ELF4: variants seen among roughly 807,000 people sequenced by gnomAD.
ELF4 encodes ETS-related transcription factor Elf-4.
In ELF4, 10 loss-of-function variants were observed where a neutral mutation model predicts 31.7. The ratio of observed to expected loss-of-function variants is 0.32; its 90% CI spans 0.19 to 0.54. The LOEUF is 0.54. ELF4 is among the 20% of genes least tolerant of loss of function. ELF4 has a pLI of 0.95. For missense variants in ELF4, 418 were observed against 522.0 expected (o/e 0.80, Z 1.94); for synonymous variants, 208 against 226.7 (o/e 0.92, Z 0.74).
At chrX:130,078,594 C>T (rs1361622422) in intron 2 of ELF4, among the ~76,000 whole-genome samples, 1 of 110,501 alleles carries the variant, frequency 9.0e-6, no homozygotes, top group African/African-American at 3.3e-5. Context: ...CCCCTCTCTA[C>T]TAAAAATACA....
At chrX:130,091,427 C>CA (rs1603207578) in intron 1 of ELF4, among the ~76,000 whole-genome samples, 1 of 111,410 alleles carries the variant, frequency 9.0e-6, no homozygotes, top group African/African-American at 3.3e-5. Context: ...AACTCCATCT[C>CA]AAAAAAATAT....
upstream of ELF4, among the ~76,000 whole-genome samples, chrX:130,111,062 C>G (rs921004141): frequency 1.9e-5 from 2 of 104,193 alleles, no homozygotes; most frequent in Non-Finnish European, 4.0e-5. Context: ...AGCGCCCGTC[C>G]GCCCCGGCCC....
intron 1 of ELF4, among the ~76,000 whole-genome samples, chrX:130,095,359 A>C (rs1413800936): frequency 8.9e-6 from 1 of 112,705 alleles, no homozygotes; most frequent in Non-Finnish European, 1.9e-5. Context: ...AGTGAGGCTC[A>C]GAGATTAGGT....
chrX:130,083,800 A>ATGGG (rs758418260), intron 1 of ELF4, among the ~76,000 whole-genome samples: 1 of 103,265 alleles, frequency 9.7e-6, no homozygotes. Context: ...GAATGGGTGG[A>ATGGG]TGGGTGGGTG....
chrX:130,090,566 A>C (rs1233749896), intron 1 of ELF4, among the ~76,000 whole-genome samples: 1 of 110,626 alleles, frequency 9.0e-6, no homozygotes, highest in Non-Finnish European at 1.9e-5. Context: ...TCAAGATCTG[A>C]AGCAAATGTC....
chrX:130,082,256 G>A (rs1932897359), intron 1 of ELF4, among the ~76,000 whole-genome samples: 1 of 111,129 alleles, frequency 9.0e-6, no homozygotes, highest in African/African-American at 3.3e-5. Flanking sequence ...CTCTCAGATG[G>A]AGCCAAGCCT....
At position 130,065,017 on chromosome X, in the gene ELF4, A is replaced by G; in HGVS notation, c.*1704T>C. 1 of 172,739 alleles carries G rather than the reference A, an allele frequency of 5.8e-6. No individual in the cohort carries two copies. The highest frequency in any genetic ancestry group is 1.1e-5 in the Non-Finnish European group (1 of 89,584). The allele number at this position is 172,739 out of a possible 1,213,427, so 14.2% of individuals were successfully genotyped here. ...AGTAAATACATTTGCACAACCAAAC[A>G]CAGTGCCCTCCAGGGGGCAGGGAGA... On this transcript the variant is annotated 3_prime_UTR_variant, in exon 9 of 9. Transcript: ENST00000308167.
At chrX:130,092,944 A>G (rs1463114075) in intron 1 of ELF4, among the ~76,000 whole-genome samples, 1 of 110,404 alleles carries the variant, frequency 9.1e-6, no homozygotes, top group Non-Finnish European at 1.9e-5. Context: ...TGGCCTGTGG[A>G]GCCCACAAAT....
chrX:130,066,659 G>T lies in ELF4; in HGVS notation c.*62C>A. The T allele has an allele frequency of 9.0e-7, 1 of 1,112,584 alleles. No individual in the cohort carries two copies. The highest frequency in any genetic ancestry group is 1.8e-5 in the African/African-American group (1 of 55,760). 91.7% of individuals were successfully genotyped at this position (1,112,584 alleles called of 1,213,427 possible). On this transcript the variant is annotated 3_prime_UTR_variant, in exon 9 of 9. Coordinates refer to ENST00000308167, the MANE Select transcript of ELF4 (RefSeq NM_001421.4). ...CAGGGGCAGGTGTGCTACTGAAGTC[G>T]GTCCCTATGAAAATGCTGCTCAATT...
intron 1 of ELF4, among the ~76,000 whole-genome samples, chrX:130,091,508 C>CA (rs1241976978): frequency 1.8e-5 from 2 of 111,919 alleles, no homozygotes; most frequent in Admixed American, 9.5e-5. Flanking sequence ...GGCTGGTCTC[C>CA]AAGTCCTGGC....
At position 130,105,854 on chromosome X, in the gene ELF4, CTGTGTGTGTGTGTGTG is replaced by C. The variant is rs60216838; in HGVS notation, c.-210+4455_-210+4470del. On this transcript the variant is annotated intron_variant, in intron 1 of 8. Transcript: ENST00000308167. ...GCCATCTCTCCCACTCCCCAGGGGC[CTGTGTGTGTGTGTGTG>C]TGTGTGTGTGTGTGTGTGTGTGTGT... is the stretch of plus-strand genomic sequence containing the variant. Among the ~76,000 whole-genome samples the C allele has an allele frequency of 2.2e-3, 194 of 86,485 alleles. 2 individuals are homozygous for C. Among genetic ancestry groups the C allele is most frequent in the Admixed American group, 0.018 (134 of 7,419 alleles). 75.1% of individuals were successfully genotyped at this position (86,485 alleles called of 115,157 possible).
rs1932684603 is a variant in ELF4, at chrX:130,066,850, T to C, written c.1863A>G (p.Ser621=). ...PVAELELSSG[S]GSLLMAEPSV... is the part of the protein sequence containing the mutation. Reference sequence around the variant, plus strand: ...TAGGCTCAGCCATCAGCAGGGACCCTGAGCCTGAGGAGAGCTCAAGTTCAG... The same window carrying C: ...TAGGCTCAGCCATCAGCAGGGACCCCGAGCCTGAGGAGAGCTCAAGTTCAG... The change falls in exon 9 of 9, where the codon TCA becomes TCG. Residue 621 remains serine, a synonymous_variant. Transcript: ENST00000308167. The C allele has an allele frequency of 8.3e-7, 1 of 1,211,198 alleles. No homozygotes were observed. The highest frequency in any genetic ancestry group is 1.7e-5 in the African/African-American group (1 of 57,922).
intron 2 of ELF4, among the ~76,000 whole-genome samples, chrX:130,079,671 G>A (rs1309421485): frequency 9.2e-6 from 1 of 109,258 alleles, no homozygotes; most frequent in African/African-American, 3.3e-5. Flanking sequence ...AATTGAGGGC[G>A]TCCTGGGCTT....
chrX:130,102,903 A>G (rs1933300659), intron 1 of ELF4, among the ~76,000 whole-genome samples: 1 of 104,748 alleles, frequency 9.5e-6, no homozygotes, highest in South Asian at 4.3e-4. Context: ...AGAAAGAAAG[A>G]AAGAAAGAAA....
At chrX:130,074,454 C>A in intron 3 of ELF4, 127 bp downstream of exon 3, 1 of 939,834 alleles carries the variant, frequency 1.1e-6, no homozygotes. Context: ...TGTGAAGCAG[C>A]ACAACTTTTT....
intron 1 of ELF4, among the ~76,000 whole-genome samples, chrX:130,101,690 TCG>T (rs1933257200): frequency 9.2e-6 from 1 of 108,285 alleles, no homozygotes; most frequent in Non-Finnish European, 1.9e-5. Context: ...ACTCGGGAGG[TCG>T]GGAGGCTGAG....
chrX:130,089,676 A>C (rs1933022691), intron 1 of ELF4, among the ~76,000 whole-genome samples: 1 of 111,527 alleles, frequency 9.0e-6, no homozygotes, highest in South Asian at 3.7e-4. Context: ...AGCTAGTTGC[A>C]CTGTGACTCC....
In ELF4 at chrX:130,066,964, C is replaced by A; in HGVS notation, c.1749G>T (p.Val583=). ...QAHLQPLPTQ[V]VSRGSHNPSL... is the part of the protein sequence containing the mutation. ...TCGGATTGTGGGAACCCCTGGAAACCACCTGGGTTGGAAGTGGCTGAAGAT... is the reference window on the plus strand; with the variant it reads ...TCGGATTGTGGGAACCCCTGGAAACAACCTGGGTTGGAAGTGGCTGAAGAT... The change falls in exon 9 of 9, where the codon GTG becomes GTT. Residue 583 remains valine, a synonymous_variant. Transcript: ENST00000308167. 1 of 1,212,279 alleles carries A rather than the reference C, an allele frequency of 8.2e-7. No homozygotes were observed. The highest frequency in any genetic ancestry group is 1.1e-6 in the Non-Finnish European group (1 of 895,605).
chrX:130,099,442 C>T (rs989405203), intron 1 of ELF4, among the ~76,000 whole-genome samples: 2 of 110,281 alleles, frequency 1.8e-5, no homozygotes, highest in African/African-American at 6.6e-5. Flanking sequence ...GGTGTGGTGG[C>T]GGGCGCCTGT....
Sources: allele counts gnomAD v4.1 joint callset (sites outside exome capture counted in the v4.1 genomes callset), GRCh38; gene constraint gnomAD v4.1.1; transcripts MANE v1.5; gene names NCBI Gene and HGNC (gene_info 2026-07-23, HGNC 2026-07-21).